The following PDCD6IP variants were observed in gnomAD, a reference collection of about 807,000 sequenced individuals.
PDCD6IP encodes programmed cell death 6-interacting protein.
PDCD6IP carries 43 observed loss-of-function variants against 103.7 expected under a neutral mutation model. That is an observed-to-expected ratio of 0.41 (90% CI 0.32 to 0.53). PDCD6IP has a LOEUF of 0.53. PDCD6IP is among the 20% of genes least tolerant of loss of function. The probability of loss-of-function intolerance (pLI) is 0.16; values close to 1 mark genes in which losing one functional copy is unlikely to be tolerated. For synonymous variants in PDCD6IP, 354 were observed against 378.7 expected (o/e 0.93, Z 0.76); for missense variants, 871 against 1,036.7 (o/e 0.84, Z 2.20).
intron 3 of PDCD6IP, among the ~76,000 whole-genome samples, chr3:33,821,623 AATTT>A (rs976031055): frequency 2.6e-5 from 4 of 152,188 alleles, no homozygotes; most frequent in African/African-American, 9.7e-5. Flanking sequence ...AAATGGAAAT[AATTT>A]ATTCAAATTT....
chr3:33,821,176 A>ATTTTTTTTTTT (rs201181955), intron 3 of PDCD6IP, among the ~76,000 whole-genome samples: 1 of 144,278 alleles, frequency 6.9e-6, no homozygotes. Context: ...TTTAAAAACA[A>ATTTTTTTTTTT]TTTTTTTTTT....
At chr3:33,806,158 A>G (rs996132264) in intron 1 of PDCD6IP, among the ~76,000 whole-genome samples, 1 of 152,208 alleles carries the variant, frequency 6.6e-6, no homozygotes, top group Admixed American at 6.5e-5. Context: ...GAGTTATTAT[A>G]TATTTGTGCC....
rs1696388304 is a variant in PDCD6IP at position 33,798,667 on chromosome 3, TCCTCGGC to T, written c.-56_-50del. The T allele has an allele frequency of 1.4e-6, 2 of 1,412,528 alleles. No homozygotes were observed. The highest frequency in any genetic ancestry group is 2.8e-5 in the South Asian group (2 of 72,112). The allele number at this position is 1,412,528 out of a possible 1,614,324, so 87.5% of individuals were successfully genotyped here. A position where few individuals can be genotyped will look rare whatever the true frequency, so the allele number is the denominator to read the frequency against. On this transcript the variant is annotated 5_prime_UTR_variant, in exon 1 of 18. Transcript: ENST00000307296. ...AGTCCGCCAGCCCAGTACCTCTCTC[TCCTCGGC>T]CCTCGTAAGCTGTCCGCGGTCTGTT...
At chr3:33,816,220 C>T (rs545720023) in intron 3 of PDCD6IP, among the ~76,000 whole-genome samples, 56 of 152,074 alleles carry the variant, frequency 3.7e-4, no homozygotes, top group African/African-American at 1.3e-3. Context: ...GAAATATCTC[C>T]GGGTGGCCGG....
intron 2 of PDCD6IP, among the ~76,000 whole-genome samples, chr3:33,813,011 G>C (rs1351053043): frequency 6.6e-6 from 1 of 152,100 alleles, no homozygotes; most frequent in Non-Finnish European, 1.5e-5. Flanking sequence ...CAGGAGCAGA[G>C]AGAGAGTTTT....
At chr3:33,811,044 C>G (rs1696706021) in intron 1 of PDCD6IP, 5 of 413,914 alleles carry the variant, frequency 1.2e-5, no homozygotes, top group South Asian at 8.8e-5. Context: ...CGCCACCATG[C>G]CTGGCTAATG....
At position 33,865,223 on chromosome 3, in the gene PDCD6IP, A is replaced by G; in HGVS notation, c.2245-20A>G. The G allele has an allele frequency of 2.0e-6, 3 of 1,500,194 alleles. No homozygotes were observed. The highest frequency in any genetic ancestry group is 2.7e-6 in the Non-Finnish European group (3 of 1,129,766). The allele number at this position is 1,500,194 out of a possible 1,614,324, so 92.9% of individuals were successfully genotyped here. A position where few individuals can be genotyped will look rare whatever the true frequency, so the allele number is the denominator to read the frequency against. ...AGAAATATGAAACATTTTATAGTCA[A>G]TGCTGACTTTTTCTTATAGCCTACT... On this transcript the variant is annotated intron_variant, in intron 16 of 17. Transcript: ENST00000307296.
In PDCD6IP at chr3:33,836,265, TG is replaced by T. The variant is rs1180784899; in HGVS notation, c.1057+1del. The T allele has an allele frequency of 6.4e-7, 1 of 1,560,752 alleles. No individual in the cohort carries two copies. The highest frequency in any genetic ancestry group is 8.8e-7 in the Non-Finnish European group (1 of 1,132,452). On this transcript the variant is annotated frameshift_variant and splice_region_variant, in exon 8 of 18. Coordinates refer to ENST00000307296, the MANE Select transcript of PDCD6IP (RefSeq NM_013374.6). LOFTEE classifies it high-confidence loss of function. ...ATGTACCCATCAGTCAGAAATTTACTGGTATGTCAGTTATTCAGACACACTT... is the reference window on the plus strand; with the variant it reads ...ATGTACCCATCAGTCAGAAATTTACTGTATGTCAGTTATTCAGACACACTT... ...VNVPISQKFT[D>X]LFEKMVPVSV...
chr3:33,818,513 CTTTTT>C (rs61405380), intron 3 of PDCD6IP, among the ~76,000 whole-genome samples: 76 of 89,258 alleles, frequency 8.5e-4, no homozygotes, highest in Admixed American at 2.6e-3. Flanking sequence ...TGATCCCTTG[CTTTTT>C]TTTTTTTTTT....
chr3:33,811,822 T>G (rs1696724983), intron 1 of PDCD6IP, among the ~76,000 whole-genome samples: 1 of 152,240 alleles, frequency 6.6e-6, no homozygotes. Context: ...AGAGCAGATG[T>G]TAGTTTGCTT....
intron 3 of PDCD6IP, among the ~76,000 whole-genome samples, chr3:33,818,860 G>A (rs1352063174): frequency 6.6e-6 from 1 of 151,972 alleles, no homozygotes; most frequent in Non-Finnish European, 1.5e-5. Context: ...TGAAAAGTCT[G>A]ATTTTTGTTA....
chr3:33,864,449 C>G (rs970118337), intron 16 of PDCD6IP, among the ~76,000 whole-genome samples: 50 of 152,118 alleles, frequency 3.3e-4, no homozygotes, highest in African/African-American at 1.2e-3. Context: ...TATGAAATAA[C>G]TGAGTTGATC....
chr3:33,803,152 G>T (rs1333086960), intron 1 of PDCD6IP, among the ~76,000 whole-genome samples: 1 of 152,146 alleles, frequency 6.6e-6, no homozygotes, highest in Admixed American at 6.5e-5. Flanking sequence ...GTGGGTTTTG[G>T]CGGGGAGCAA....
chr3:33,851,564 T>G (rs1697714737), intron 12 of PDCD6IP, among the ~76,000 whole-genome samples: 1 of 152,072 alleles, frequency 6.6e-6, no homozygotes, highest in Non-Finnish European at 1.5e-5. Flanking sequence ...CTTGACCCAC[T>G]GGGCTGAAGC....
chr3:33,829,207 T>A (rs900624509), intron 7 of PDCD6IP, among the ~76,000 whole-genome samples: 7 of 152,172 alleles, frequency 4.6e-5, no homozygotes, highest in Admixed American at 3.9e-4. Context: ...TTTATTTTAA[T>A]GTAAAAATAA....
At chr3:33,818,760 G>T (rs1242223683) in intron 3 of PDCD6IP, among the ~76,000 whole-genome samples, 1 of 151,888 alleles carries the variant, frequency 6.6e-6, no homozygotes, top group Non-Finnish European at 1.5e-5. Context: ...CTCGTGATCT[G>T]TCCGCCTCAG....
At chr3:33,826,439 C>A in intron 5 of PDCD6IP, 41 bp from the exon 6 acceptor site, 1 of 1,362,108 alleles carries the variant, frequency 7.3e-7, no homozygotes, top group Non-Finnish European at 1.0e-6. Context: ...GTCAGATTAG[C>A]TCATATTTAT....
At position 33,836,030 on chromosome 3, in the gene PDCD6IP, G is replaced by GTTTTTCT; in HGVS notation, c.835-9_835-3dup. On this transcript the variant is annotated splice_polypyrimidine_tract_variant and intron_variant, in intron 7 of 17. Transcript: ENST00000307296. ...CCTCTTTTTTTTTTTTGTTGTTGAC[G>GTTTTTCT]TTTTTCTTTTTAGCATGCAGCAGAA... is the stretch of plus-strand genomic sequence containing the variant. 1 of 1,363,674 alleles carries GTTTTTCT rather than the reference G, an allele frequency of 7.3e-7. No homozygotes were observed. Among genetic ancestry groups the GTTTTTCT allele is most frequent in the Non-Finnish European group, 1.0e-6 (1 of 984,448 alleles). The allele number at this position is 1,363,674 out of a possible 1,614,324, so 84.5% of individuals were successfully genotyped here.
intron 10 of PDCD6IP, among the ~76,000 whole-genome samples, chr3:33,843,730 T>G: frequency 6.6e-6 from 1 of 152,306 alleles, no homozygotes; most frequent in East Asian, 1.9e-4. Flanking sequence ...TTCTGTTTGT[T>G]GTATTGGAAT....
Sources: allele counts gnomAD v4.1 joint callset (sites outside exome capture counted in the v4.1 genomes callset), GRCh38; gene constraint gnomAD v4.1.1; transcripts MANE v1.5; gene names NCBI Gene and HGNC (gene_info 2026-07-23, HGNC 2026-07-21).